The following CDH12 variants were observed in gnomAD, a reference collection of about 807,000 sequenced individuals.
CDH12 encodes cadherin-12.
Under a neutral mutation model 74.1 loss-of-function variants are expected in CDH12, and 41 were observed. The ratio of observed to expected loss-of-function variants is 0.55; its 90% CI spans 0.43 to 0.72. The LOEUF is 0.72. Among genes scored for constraint, CDH12 ranks in the 30% least tolerant of loss-of-function variants. The pLI is 0.00. For synonymous variants in CDH12, 399 were observed against 355.0 expected (o/e 1.12, Z -1.39); for missense variants, 945 against 977.2 (o/e 0.97, Z 0.44).
chr5:22,229,716 C>T (rs1304891922), intron 3 of CDH12, among the ~76,000 whole-genome samples: 1 of 152,010 alleles, frequency 6.6e-6, no homozygotes, highest in Non-Finnish European at 1.5e-5. Flanking sequence ...AAATTTCATG[C>T]CCACATCTCA....
intron 2 of CDH12, among the ~76,000 whole-genome samples, chr5:22,429,895 GA>G (rs1744096488): frequency 6.6e-6 from 1 of 152,124 alleles, no homozygotes; most frequent in South Asian, 2.1e-4. Context: ...ATCTTTGAAT[GA>G]GAGAAGAAGA....
intron 1 of CDH12, among the ~76,000 whole-genome samples, chr5:22,770,324 A>G (rs541199573): frequency 2.8e-4 from 43 of 152,218 alleles, no homozygotes; most frequent in African/African-American, 1.0e-3. Flanking sequence ...AACATATACG[A>G]ATTCTCTGAC....
At chr5:22,615,580 A>G (rs1737653171) in intron 1 of CDH12, among the ~76,000 whole-genome samples, 1 of 152,114 alleles carries the variant, frequency 6.6e-6, no homozygotes, top group Admixed American at 6.6e-5. Context: ...TCTTTGTAAG[A>G]TTTAAAGGGA....
At chr5:22,449,576 C>G (rs1744963844) in intron 2 of CDH12, among the ~76,000 whole-genome samples, 1 of 151,994 alleles carries the variant, frequency 6.6e-6, no homozygotes, top group Non-Finnish European at 1.5e-5. Flanking sequence ...AACTCTGAAA[C>G]TAAAGATGCA....
chr5:22,331,907 T>C (rs900296871), intron 3 of CDH12, among the ~76,000 whole-genome samples: 3 of 115,724 alleles, frequency 2.6e-5, no homozygotes, highest in African/African-American at 3.7e-5. Context: ...ACAGCAGAAC[T>C]GATCAAGAAG....
Position 22,213,665 on chromosome 5 carries a change from C to G in CDH12, c.-332-1022G>C, listed in dbSNP as rs1751677172. On this transcript the variant is annotated intron_variant, in intron 3 of 14. Transcript: ENST00000382254. Reference sequence around the variant, plus strand: ...AGATCTAACTCTCTGGAAAAGGTCACATAACTGAATGCCAAAGCCCCAAAT... The same window carrying G: ...AGATCTAACTCTCTGGAAAAGGTCAGATAACTGAATGCCAAAGCCCCAAAT... 2.0e-5 allele frequency: 3 copies of G among 152,118 alleles called. No individual in the cohort carries two copies. In the South Asian group the frequency reaches 6.2e-4, roughly 32 times the overall value. The allele number at this position is 152,118 out of a possible 1,614,324, so 9.4% of individuals were successfully genotyped here. A position where few individuals can be genotyped will look rare whatever the true frequency, so the allele number is the denominator to read the frequency against.
At chr5:22,604,297 G>A (rs752325004) in intron 1 of CDH12, among the ~76,000 whole-genome samples, 9 of 152,184 alleles carry the variant, frequency 5.9e-5, no homozygotes, top group Non-Finnish European at 1.0e-4. Context: ...CAGCACTTGT[G>A]ACTATCAGAA....
At chr5:22,013,239 G>T (rs532385892) in intron 5 of CDH12, among the ~76,000 whole-genome samples, 37 of 152,270 alleles carry the variant, frequency 2.4e-4, no homozygotes, top group Admixed American at 5.2e-4. Flanking sequence ...TCACAAGGTG[G>T]CAGGAAGGAG....
At position 22,099,498 on chromosome 5, in the gene CDH12, T is replaced by C. The variant is rs143833259; in HGVS notation, c.-186-20636A>G. Reference sequence around the variant, plus strand: ...GGTACAGCCCATTTAAGCTCCTGTATGGACACTCCTTTTTATTAGGCCCCA... The same window carrying C: ...GGTACAGCCCATTTAAGCTCCTGTACGGACACTCCTTTTTATTAGGCCCCA... On this transcript the variant is annotated intron_variant, in intron 4 of 14. Transcript: ENST00000382254. Among the ~76,000 whole-genome samples the C allele has an allele frequency of 5.7e-3, 861 of 152,312 alleles. 6 individuals carry two copies. The highest frequency in any genetic ancestry group is 0.02 in the African/African-American group (812 of 41,562).
At chr5:21,839,050 C>T (rs911500474) in intron 8 of CDH12, among the ~76,000 whole-genome samples, 2 of 152,256 alleles carry the variant, frequency 1.3e-5, no homozygotes, top group South Asian at 4.1e-4. Flanking sequence ...CAAAACAGCG[C>T]CCAATTTCAC....
intron 6 of CDH12, among the ~76,000 whole-genome samples, chr5:21,973,047 TAAAAAAA>T (rs746404771): frequency 9.6e-6 from 1 of 103,632 alleles, no homozygotes; most frequent in Non-Finnish European, 2.1e-5. Context: ...CTACAAAAAG[TAAAAAAA>T]AAAAAAAAAA....
chr5:22,654,638 G>T (rs6452085), intron 1 of CDH12, among the ~76,000 whole-genome samples: 49,521 of 127,888 alleles, frequency 0.39, 9,186 homozygotes, highest in East Asian at 0.75. Context: ...TTTTTTTTTT[G>T]TTGTTGTTGT....
intron 8 of CDH12, among the ~76,000 whole-genome samples, chr5:21,819,086 CA>C (rs1399568560): frequency 2.0e-4 from 31 of 152,090 alleles, no homozygotes; most frequent in African/African-American, 7.2e-4. Flanking sequence ...GAATGGGTTA[CA>C]TTGCATTCCT....
intron 5 of CDH12, among the ~76,000 whole-genome samples, chr5:22,043,670 A>G (rs1389005924): frequency 6.6e-6 from 1 of 152,026 alleles, no homozygotes; most frequent in Non-Finnish European, 1.5e-5. Flanking sequence ...TGCAGATGAC[A>G]TGATCTTATG....
chr5:22,797,851 T>G (rs1039430545), intron 1 of CDH12, among the ~76,000 whole-genome samples: 4 of 152,200 alleles, frequency 2.6e-5, no homozygotes, highest in Non-Finnish European at 5.9e-5. Context: ...TGGGTTTATA[T>G]TCTCTCCTGT....
In CDH12 at chr5:22,566,150, G is replaced by T. The variant is rs989954226; in HGVS notation, c.-522-60786C>A. 3.3e-5 allele frequency among the ~76,000 whole-genome samples: 5 copies of T among 152,092 alleles called. No homozygotes were observed. In the South Asian group the frequency reaches 1.0e-3, roughly 32 times the overall value. On this transcript the variant is annotated intron_variant, in intron 1 of 14. Transcript: ENST00000382254. ...ACACACAAAAGAATATATCGTAAGGGCCTGTCACCAGGCATACATATTAAA... is the reference window on the plus strand; with the variant it reads ...ACACACAAAAGAATATATCGTAAGGTCCTGTCACCAGGCATACATATTAAA...
chr5:22,480,938 AATT>A (rs1746362138), intron 2 of CDH12, among the ~76,000 whole-genome samples: 1 of 152,222 alleles, frequency 6.6e-6, no homozygotes. Flanking sequence ...TCCAGCAAGA[AATT>A]ATTTATAACA....
chr5:22,452,901 A>AT (rs760289047), intron 2 of CDH12, among the ~76,000 whole-genome samples: 1,661 of 126,010 alleles, frequency 0.013, 20 homozygotes, highest in Middle Eastern at 0.042. Context: ...AAAAAAAAAA[A>AT]AAATGAGTTA....
intron 5 of CDH12, among the ~76,000 whole-genome samples, chr5:22,066,069 C>A (rs1741536651): frequency 6.6e-6 from 1 of 152,086 alleles, no homozygotes; most frequent in South Asian, 2.1e-4. Flanking sequence ...TTTATAGACC[C>A]AAAATCCCTT....
Sources: allele counts gnomAD v4.1 joint callset (sites outside exome capture counted in the v4.1 genomes callset), GRCh38; gene constraint gnomAD v4.1.1; transcripts MANE v1.5; gene names NCBI Gene and HGNC (gene_info 2026-07-23, HGNC 2026-07-21).